Variants in EGFL7 observed in about 807,000 individuals in gnomAD.
EGFL7 encodes the protein EGF like domain multiple 7, also known as epidermal growth factor-like protein 7.
A neutral mutation model predicts 37.1 loss-of-function variants in EGFL7; 48 were observed. The observed-to-expected ratio is 1.29, with a 90% CI of 1.03 to 1.65. The LOEUF is 1.65. Among genes scored for constraint, EGFL7 ranks in the 40% most tolerant of loss-of-function variants. The pLI, the probability that EGFL7 is intolerant of heterozygous loss-of-function variation, is 0.00. For synonymous variants in EGFL7, 180 were observed against 156.8 expected, an observed-to-expected ratio of 1.15 and a Z score of -1.10; for missense variants, 384 against 378.9, an observed-to-expected ratio of 1.01 and a Z score of -0.11.
chr9:136,661,886 G>T (rs1387376479), upstream of EGFL7, among the ~76,000 whole-genome samples: 1 of 152,200 alleles, frequency 6.6e-6, no homozygotes, highest in Non-Finnish European at 1.5e-5. Context: ...GGCCGACAGG[G>T]GCTGACCCCA....
At position 136,672,283 on chromosome 9, in the gene EGFL7, G is replaced by C. The variant is rs148608089; in HGVS notation, c.819G>C (p.Ser273=). ...QLGSCSCKKD[S] ...CCCTAGGCTCCTGCAAGAAAGACTC[G>C]TGACTGCCCAGCGCCCCAGGCTGGA... The change falls in exon 11 of 11, where the codon TCG becomes TCC. Residue 273 remains serine, a synonymous_variant. Transcript: ENST00000308874. 2 of 1,613,332 alleles carry C rather than the reference G, an allele frequency of 1.2e-6. No homozygotes were observed. The highest frequency in any genetic ancestry group is 1.3e-5 in the African/African-American group (1 of 75,044).
In EGFL7 at chr9:136,670,958, A is replaced by C. The variant is rs372189115; in HGVS notation, c.580A>C (p.Ser194Arg). The C allele has an allele frequency of 1.4e-6, 2 of 1,467,954 alleles. No homozygotes were observed. Among genetic ancestry groups the C allele is most frequent in the Non-Finnish European group, 9.1e-7 (1 of 1,103,572 alleles). 90.9% of individuals were successfully genotyped at this position (1,467,954 alleles called of 1,614,324 possible). ...CCTGGCTCTGCCCGCAGGAGTGGAC[A>C]GTGCAATGAAGGAAGAAGTGCAGAG... is the stretch of plus-strand genomic sequence containing the variant. ...RVAPNPTGVD[S>R]AMKEEVQRLQ... Residue 194 changes from serine (S) to arginine (R), a missense_variant, in exon 9 of 11, where the codon AGT becomes CGT. By Grantham distance (110) the Ser-to-Arg change is moderately radical (BLOSUM62 -1). Transcript: ENST00000308874.
rs1845484426 is a variant in EGFL7 at position 136,666,478 on chromosome 9, G to C, written c.-43+1693G>C. ...CCTCCCCGCCCGGCACCCCTGGGTC[G>C]AGGCCGTGGCCCCCCCCGGGGAAAT... On this transcript the variant is annotated intron_variant, in intron 3 of 10. Transcript: ENST00000308874. This position sits in a 1 kb window ranked among gnomAD's most constrained non-coding sequence, Gnocchi z 6.8. Among the ~76,000 whole-genome samples the C allele has an allele frequency of 6.6e-6, 1 of 152,040 alleles. No individual in the cohort carries two copies. The highest frequency in any genetic ancestry group is 1.5e-5 in the Non-Finnish European group (1 of 67,962).
At chr9:136,662,544 G>A (rs770401083), upstream of EGFL7, among the ~76,000 whole-genome samples, 2 of 152,132 alleles carry the variant, frequency 1.3e-5, no homozygotes, top group Non-Finnish European at 2.9e-5. Context: ...AGCATCCTTG[G>A]CCCAAAGATG....
At chr9:136,661,520 C>T (rs964540035), upstream of EGFL7, among the ~76,000 whole-genome samples, 2 of 152,144 alleles carry the variant, frequency 1.3e-5, no homozygotes, top group East Asian at 1.9e-4. Flanking sequence ...CTCAGACCAG[C>T]GGTGCCTGGG....
upstream of EGFL7, among the ~76,000 whole-genome samples, chr9:136,662,722 G>A (rs547982356): frequency 6.6e-6 from 1 of 152,092 alleles, no homozygotes; most frequent in Admixed American, 6.6e-5. Flanking sequence ...CCCAGGGGAC[G>A]GCTTCCCCAC....
At position 136,668,576 on chromosome 9, in the gene EGFL7, C is replaced by T. The variant is rs758520402; in HGVS notation, c.100C>T (p.Arg34Trp). ...CCGCAGCCGTAGGGTGTGTGCTGTC[C>T]GGGCTCACGGGGACCCTGTCTCCGA... is the stretch of plus-strand genomic sequence containing the variant. ...YRPGRRVCAV[R>W]AHGDPVSESF... Residue 34 changes from arginine (R) to tryptophan (W), a missense_variant, in exon 5 of 11, where the codon CGG becomes TGG. Coordinates refer to ENST00000308874, the MANE Select transcript of EGFL7 (RefSeq NM_016215.5). 13 of 1,608,948 alleles carry T rather than the reference C, an allele frequency of 8.1e-6. No individual in the cohort carries two copies. Among genetic ancestry groups the T allele is most frequent in the Middle Eastern group, 1.6e-4 (1 of 6,078 alleles).
At chr9:136,667,673 G>A (rs1301101605) in intron 3 of EGFL7, among the ~76,000 whole-genome samples, 1 of 152,210 alleles carries the variant, frequency 6.6e-6, no homozygotes, top group African/African-American at 2.4e-5. Flanking sequence ...CGCCCCTCTG[G>A]TGGTCTTAGA....
intron 3 of EGFL7, among the ~76,000 whole-genome samples, 151 bp downstream of exon 3, chr9:136,664,936 C>T (rs1316299475): frequency 6.6e-6 from 1 of 152,264 alleles, no homozygotes; most frequent in East Asian, 1.9e-4. Context: ...GCAGTAACAG[C>T]TGTAACAATT....
At chr9:136,668,721 C>T (rs754217396) in intron 5 of EGFL7, 48 bp downstream of exon 5, 20 of 1,482,360 alleles carry the variant, frequency 1.3e-5, no homozygotes, top group African/African-American at 2.8e-5. Context: ...CCTCCCAAGT[C>T]GGCCACACAT....
At position 136,668,337 on chromosome 9, in the gene EGFL7, G is replaced by A. The variant is rs375577490; in HGVS notation, c.55G>A (p.Gly19Ser). The change falls in exon 4 of 11, where the codon GGC (glycine) becomes AGC (serine). Residue 19 changes from glycine to serine, a missense_variant. Physicochemically the swap from Gly to Ser is moderately conservative, Grantham distance 56. Transcript: ENST00000308874. Reference sequence around the variant, plus strand: ...GTGGCTTCTGGTGTTGGCAGTGGGCGGCACAGAGCACGCCTACCGGCCCGG... The same window carrying A: ...GTGGCTTCTGGTGTTGGCAGTGGGCAGCACAGAGCACGCCTACCGGCCCGG... ...LMWLLVLAVGGTEHAYRPGRR... is the reference protein window; with the variant it reads ...LMWLLVLAVGSTEHAYRPGRR... The A allele has an allele frequency of 7.9e-5, 127 of 1,606,242 alleles. No homozygotes were observed. The African/African-American group carries it at 1.1e-3, about 14-fold the overall frequency.
rs960621872 is a variant in EGFL7 at position 136,671,996 on chromosome 9, C to G, written c.707C>G (p.Pro236Arg). 1.3e-6 allele frequency: 2 copies of G among 1,543,164 alleles called. No individual in the cohort carries two copies. Among genetic ancestry groups the G allele is most frequent in the African/African-American group, 2.7e-5 (2 of 73,024 alleles). ...GCACTGGAGCATGGGCTCCCGGACC[C>G]CGGCAGCCTCCTGGTGCACTCCTTC... ...SQALEHGLPD[P>R]GSLLVHSFQQ... The change falls in exon 10 of 11, where the codon CCC (proline) becomes CGC (arginine). Residue 236 changes from proline (P) to arginine (R), a missense_variant. Transcript: ENST00000308874.
In EGFL7 at chr9:136,669,942, A is replaced by G. The variant is rs749616639; in HGVS notation, c.342A>G (p.Gly114=). The change falls in exon 7 of 11, where the codon GGA becomes GGG. Residue 114 remains glycine, a synonymous_variant. Coordinates refer to ENST00000308874, the MANE Select transcript of EGFL7 (RefSeq NM_016215.5). ...TATGCCAGCCGCCATGCCGGAACGG[A>G]GGGAGCTGTGTCCAGCCTGGCCGCT... ...AAICQPPCRN[G]GSCVQPGRCR... The G allele has an allele frequency of 6.2e-7, 1 of 1,606,030 alleles. No individual in the cohort carries two copies. The highest frequency in any genetic ancestry group is 1.7e-5 in the Admixed American group (1 of 59,322).
In EGFL7 at chr9:136,666,813, G is replaced by T. The variant is rs970284093; in HGVS notation, c.-42-1428G>T. Reference sequence around the variant, plus strand: ...TTGCCTTGAGGTCGCACCAGACCCAGCCCCTAACAGTGTCCTTCATCCAGG... The same window carrying T: ...TTGCCTTGAGGTCGCACCAGACCCATCCCCTAACAGTGTCCTTCATCCAGG... On this transcript the variant is annotated intron_variant, in intron 3 of 10. Transcript: ENST00000308874. The surrounding 1 kb of genome is among the most constrained non-coding windows in gnomAD (Gnocchi z 6.8). Among the ~76,000 whole-genome samples the T allele has an allele frequency of 2.0e-5, 3 of 152,080 alleles. No individual in the cohort carries two copies. The highest frequency in any genetic ancestry group is 6.5e-5 in the Admixed American group (1 of 15,282).
chr9:136,670,833 C>T (rs1140713), intron 8 of EGFL7, 117 bp from the exon 9 acceptor site: 118,945 of 964,086 alleles, frequency 0.12, 8,051 homozygotes, highest in Middle Eastern at 0.19. Context: ...GCAGCGGGGG[C>T]GGCAGAGGCC....
intron 3 of EGFL7, among the ~76,000 whole-genome samples, chr9:136,667,107 T>C (rs1845528295): frequency 6.6e-6 from 1 of 152,276 alleles, no homozygotes; most frequent in East Asian, 1.9e-4. Flanking sequence ...GGGATCGTGC[T>C]CCACACCCAG....
chr9:136,669,765 G>A (rs763414170), intron 6 of EGFL7, 44 bp downstream of exon 6: 2 of 1,492,994 alleles, frequency 1.3e-6, no homozygotes, highest in Admixed American at 2.1e-5. Flanking sequence ...GAGGGCGACT[G>A]TTCCCCAATC....
Position 136,670,962 on chromosome 9 carries a change from C to A in EGFL7, c.584C>A (p.Ala195Glu). The A allele has an allele frequency of 6.7e-7, 1 of 1,493,934 alleles. No homozygotes were observed. Among genetic ancestry groups the A allele is most frequent in the Non-Finnish European group, 8.9e-7 (1 of 1,127,094 alleles). The allele number at this position is 1,493,934 out of a possible 1,614,324, so 92.5% of individuals were successfully genotyped here. A position where few individuals can be genotyped will look rare whatever the true frequency, so the allele number is the denominator to read the frequency against. ...VAPNPTGVDS[A>E]MKEEVQRLQS... ...GCTCTGCCCGCAGGAGTGGACAGTGCAATGAAGGAAGAAGTGCAGAGGCTG... is the reference window on the plus strand; with the variant it reads ...GCTCTGCCCGCAGGAGTGGACAGTGAAATGAAGGAAGAAGTGCAGAGGCTG... Residue 195 changes from alanine (A) to glutamate (E), a missense_variant, in exon 9 of 11, where the codon GCA becomes GAA. By Grantham distance (107) the Ala-to-Glu change is moderately radical (BLOSUM62 -1). Coordinates refer to ENST00000308874, the MANE Select transcript of EGFL7 (RefSeq NM_016215.5).
intron 5 of EGFL7, among the ~76,000 whole-genome samples, chr9:136,668,907 G>A (rs765062383): frequency 1.1e-4 from 16 of 152,138 alleles, no homozygotes; most frequent in Non-Finnish European, 2.1e-4. Context: ...TCAAAGGACC[G>A]CACCTCTAAG....
Sources: allele counts gnomAD v4.1 joint callset (sites outside exome capture counted in the v4.1 genomes callset), GRCh38; gene constraint gnomAD v4.1.1; non-coding constraint Gnocchi (gnomAD v3.1); transcripts MANE v1.5; gene names NCBI Gene and HGNC (gene_info 2026-07-23, HGNC 2026-07-21).